Variants in ZBTB8OS observed in about 807,000 individuals in gnomAD.
The protein encoded by ZBTB8OS is tRNA splicing ligase complex subunit 1, also known as tRNA-splicing ligase-activating factor archease.
In ZBTB8OS, 16 loss-of-function variants were observed where a neutral mutation model predicts 29.3. The ratio of observed to expected loss-of-function variants is 0.55; its 90% CI spans 0.37 to 0.83. The LOEUF (loss-of-function observed/expected upper bound fraction) is 0.83. Ranked by LOEUF, ZBTB8OS falls within the 40% of genes least tolerant of loss-of-function variation. The pLI, the probability that ZBTB8OS is intolerant of heterozygous loss-of-function variation, is 0.00. For missense variants in ZBTB8OS, 160 were observed against 196.9 expected, an observed-to-expected ratio of 0.81 and a Z score of 1.12; for synonymous variants, 70 against 64.6, an observed-to-expected ratio of 1.08 and a Z score of -0.40.
At position 32,621,901 on chromosome 1, in the gene ZBTB8OS, A is replaced by G. The variant is rs1644776579; in HGVS notation, c.465T>C (p.Asn155=). 4 of 1,595,700 alleles carry G rather than the reference A, an allele frequency of 2.5e-6. No individual in the cohort carries two copies. The highest frequency in any genetic ancestry group is 3.4e-6 in the Non-Finnish European group (4 of 1,176,750). The change falls in exon 7 of 7, where the codon AAT becomes AAC. Residue 155 remains asparagine, a synonymous_variant. Coordinates refer to ENST00000468695, the MANE Select transcript of ZBTB8OS (RefSeq NM_178547.5). ...TCACAAAAACTTCCGGGTTCTCTTC[A>G]TTATAGACCTGCATTGCTGAATATG... ...AITYSAMQVY[N]EENPEVFVII...
intron 1 of ZBTB8OS, among the ~76,000 whole-genome samples, chr1:32,644,059 G>T (rs1273206308): frequency 6.6e-6 from 1 of 152,050 alleles, no homozygotes; most frequent in Admixed American, 6.6e-5. Flanking sequence ...TTTAGGAAGG[G>T]GAGGGGGGGT....
Position 32,631,807 on chromosome 1 carries a change from A to T in ZBTB8OS, c.380+20T>A. On this transcript the variant is annotated intron_variant, in intron 5 of 6. Transcript: ENST00000468695. Reference sequence around the variant, plus strand: ...AGAATATAACTTTAACTCGGTACTTAAAAGACTTTCAAAACTTACCCAATT... The same window carrying T: ...AGAATATAACTTTAACTCGGTACTTTAAAGACTTTCAAAACTTACCCAATT... The T allele has an allele frequency of 6.4e-7, 1 of 1,559,530 alleles. No homozygotes were observed. Among genetic ancestry groups the T allele is most frequent in the East Asian group, 2.3e-5 (1 of 44,242 alleles).
At chr1:32,643,910 GTTGTACC>G (rs1292412779) in intron 1 of ZBTB8OS, among the ~76,000 whole-genome samples, 1 of 151,578 alleles carries the variant, frequency 6.6e-6, no homozygotes, top group Admixed American at 6.6e-5. Flanking sequence ...CCTTGGCCTT[GTTGTACC>G]CAAGCGAGTT....
At chr1:32,645,123 G>A (rs1362512620) in intron 1 of ZBTB8OS, among the ~76,000 whole-genome samples, 1 of 151,854 alleles carries the variant, frequency 6.6e-6, no homozygotes, top group Non-Finnish European at 1.5e-5. Context: ...AGGTTGCAGT[G>A]AGCCGAGATG....
Position 32,649,668 on chromosome 1 carries a change from AT to A in ZBTB8OS, c.97+764del, listed in dbSNP as rs1156427480. Among the ~76,000 whole-genome samples the A allele has an allele frequency of 3.4e-3, 107 of 31,108 alleles. 1 individual carries two copies. The highest frequency in any genetic ancestry group is 0.015 in the African/African-American group (92 of 5,966). 20.4% of individuals were successfully genotyped at this position (31,108 alleles called of 152,430 possible). A position where few individuals can be genotyped will look rare whatever the true frequency, so the allele number is the denominator to read the frequency against. The stretch of plus-strand genomic sequence containing the variant: ...CACACACACACACACACACACACAC[AT>A]TTTTTTTTTTTTTTGAGACAGAGTT... On this transcript the variant is annotated intron_variant, in intron 1 of 6. Transcript: ENST00000468695.
At chr1:32,631,423 A>C (rs1645550539) in intron 5 of ZBTB8OS, among the ~76,000 whole-genome samples, 1 of 152,126 alleles carries the variant, frequency 6.6e-6, no homozygotes, top group Non-Finnish European at 1.5e-5. Context: ...GAAACCTGAG[A>C]AACAAGTCCA....
chr1:32,638,083 T>G (rs186806135), intron 1 of ZBTB8OS, among the ~76,000 whole-genome samples: 102 of 152,104 alleles, frequency 6.7e-4, no homozygotes, highest in African/African-American at 2.3e-3. Context: ...GTGAACCACC[T>G]ACACTGGCTT....
rs750558245 is a variant in ZBTB8OS, at chr1:32,621,824, A to G, written c.*38T>C. ...CTTCTCAAAAGGAAGAGGAAAACAA[A>G]AACAGTTCTTCGTAGGAGTCTTTTA... On this transcript the variant is annotated 3_prime_UTR_variant, in exon 7 of 7. Transcript: ENST00000468695. 2 of 1,419,302 alleles carry G rather than the reference A, an allele frequency of 1.4e-6. No individual in the cohort carries two copies. The highest frequency in any genetic ancestry group is 2.5e-5 in the South Asian group (2 of 79,784). 87.9% of individuals were successfully genotyped at this position (1,419,302 alleles called of 1,614,324 possible).
chr1:32,649,590 T>C (rs1209055208), intron 1 of ZBTB8OS, among the ~76,000 whole-genome samples: 5 of 150,322 alleles, frequency 3.3e-5, no homozygotes, highest in Non-Finnish European at 7.4e-5. Flanking sequence ...GATCGCTCCA[T>C]TGCACTCCAG....
intron 6 of ZBTB8OS, among the ~76,000 whole-genome samples, chr1:32,625,922 G>A (rs1334899352): frequency 6.6e-6 from 1 of 151,204 alleles, no homozygotes; most frequent in African/African-American, 2.4e-5. Flanking sequence ...CCAGGCTGGA[G>A]TGTGCAATGG....
intron 1 of ZBTB8OS, among the ~76,000 whole-genome samples, chr1:32,640,666 C>T (rs1333085925): frequency 6.6e-6 from 1 of 151,998 alleles, no homozygotes; most frequent in East Asian, 1.9e-4. Flanking sequence ...CAGACACGCA[C>T]CACCACACCT....
chr1:32,648,423 G>C (rs1647017562), intron 1 of ZBTB8OS, among the ~76,000 whole-genome samples: 1 of 152,208 alleles, frequency 6.6e-6, no homozygotes, highest in Admixed American at 6.5e-5. Flanking sequence ...GGATGTACAA[G>C]TGTATTCACT....
At chr1:32,643,812 C>CTTTTTT (rs58965191) in intron 1 of ZBTB8OS, among the ~76,000 whole-genome samples, 1 of 148,512 alleles carries the variant, frequency 6.7e-6, no homozygotes, top group Non-Finnish European at 1.5e-5. Context: ...ATTTTTTTTA[C>CTTTTTT]TTTTTTTTTT....
intron 6 of ZBTB8OS, among the ~76,000 whole-genome samples, chr1:32,623,100 T>G (rs1644861138): frequency 6.6e-6 from 1 of 152,226 alleles, no homozygotes; most frequent in African/African-American, 2.4e-5. Context: ...AATAATTCTG[T>G]GCACCATAAA....
intron 1 of ZBTB8OS, among the ~76,000 whole-genome samples, chr1:32,649,665 CACAT>C (rs780035874): frequency 0.013 from 1,743 of 139,246 alleles, 27 homozygotes; most frequent in African/African-American, 0.028. Flanking sequence ...CACACACACA[CACAT>C]TTTTTTTTTT....
chr1:32,639,784 T>C (rs1646260721), intron 1 of ZBTB8OS, among the ~76,000 whole-genome samples: 1 of 151,956 alleles, frequency 6.6e-6, no homozygotes, highest in South Asian at 2.1e-4. Flanking sequence ...AGTTATTAAT[T>C]AAAAAAAATT....
At chr1:32,626,959 A>G (rs1484028756) in intron 6 of ZBTB8OS, among the ~76,000 whole-genome samples, 1 of 152,240 alleles carries the variant, frequency 6.6e-6, no homozygotes, top group African/African-American at 2.4e-5. Flanking sequence ...AAGTTTTACT[A>G]GAATACAAGT....
chr1:32,638,944 A>C lies in ZBTB8OS; in HGVS notation c.98-4152T>G, dbSNP rs139770553. ...TAATAATAACAATAATAATCATTCC[A>C]TTTTATTGAACATAAATTGAGTATT... is the stretch of plus-strand genomic sequence containing the variant. On this transcript the variant is annotated intron_variant, in intron 1 of 6. Coordinates refer to ENST00000468695, the MANE Select transcript of ZBTB8OS (RefSeq NM_178547.5). Among the ~76,000 whole-genome samples, 837 of 152,116 alleles carry C rather than the reference A, an allele frequency of 5.5e-3. 6 individuals are homozygous for C. The highest frequency in any genetic ancestry group is 8.1e-3 in the Admixed American group (123 of 15,246).
intron 5 of ZBTB8OS, chr1:32,627,748 T>C (rs1645225116): frequency 3.4e-6 from 2 of 582,376 alleles, no homozygotes; most frequent in Non-Finnish European, 6.1e-6. Flanking sequence ...TCAAGGTTGA[T>C]AGTTAAGGCC....
Sources: gnomAD v4.1 joint callset for allele counts (sites outside exome capture counted in the v4.1 genomes callset) on GRCh38, gnomAD v4.1.1 for gene constraint, MANE v1.5 for transcripts, NCBI Gene and HGNC (gene_info 2026-07-23, HGNC 2026-07-21) for gene names.